Variants in TAFA2 observed in about 807,000 individuals in gnomAD.
TAFA2 encodes chemokine-like protein TAFA-2.
Under a neutral mutation model 18.8 loss-of-function variants are expected in TAFA2, and 7 were observed. The observed-to-expected ratio is 0.37, with a 90% CI of 0.21 to 0.70. The LOEUF is 0.70. Among genes scored for constraint, TAFA2 ranks in the 30% least tolerant of loss-of-function variants. The pLI is 0.53. For synonymous variants in TAFA2, 60 were observed against 54.2 expected (o/e 1.11, Z -0.47); for missense variants, 122 against 158.1 (o/e 0.77, Z 1.23).
chr12:61,733,328 T>C (rs971329547), intron 4 of TAFA2, among the ~76,000 whole-genome samples: 5 of 152,136 alleles, frequency 3.3e-5, no homozygotes, highest in African/African-American at 1.2e-4. Context: ...TTTGGTGTTT[T>C]AGACATGAAG....
At position 62,171,063 on chromosome 12, in the gene TAFA2, C is replaced by A. The variant is rs578185055; in HGVS notation, c.-2+20196G>T. Among the ~76,000 whole-genome samples, 34 of 152,126 alleles carry A rather than the reference C, an allele frequency of 2.2e-4. 1 individual carries two copies. In the South Asian group the frequency reaches 2.7e-3, roughly 12 times the overall value. ...TTATTCACTTTATTATGACTCATGA[C>A]ATTTAATATAATTGTGACACTTTAA... is the stretch of plus-strand genomic sequence containing the variant. On this transcript the variant is annotated intron_variant, in intron 1 of 4. Transcript: ENST00000416284.
At chr12:61,820,360 GATGTTCAC>G in intron 2 of TAFA2, among the ~76,000 whole-genome samples, 1 of 152,098 alleles carries the variant, frequency 6.6e-6, no homozygotes, top group South Asian at 2.1e-4. Flanking sequence ...AATATAAGTT[GATGTTCAC>G]TACAATGTCT....
chr12:61,979,884 A>G (rs997084534), intron 1 of TAFA2, among the ~76,000 whole-genome samples: 1 of 152,056 alleles, frequency 6.6e-6, no homozygotes, highest in African/African-American at 2.4e-5. Flanking sequence ...AAGAAGTTTC[A>G]TGGAAATAAA....
intron 1 of TAFA2, among the ~76,000 whole-genome samples, chr12:62,143,302 C>A (rs1371139974): frequency 2.0e-5 from 3 of 152,154 alleles, no homozygotes; most frequent in African/African-American, 7.2e-5. Context: ...GATGAGTAGT[C>A]AATTGGAGAA....
At chr12:61,953,214 C>A (rs771957954) in intron 1 of TAFA2, among the ~76,000 whole-genome samples, 7 of 152,040 alleles carry the variant, frequency 4.6e-5, no homozygotes, top group Admixed American at 6.6e-5. Flanking sequence ...AAGAAAAAAA[C>A]TGACACTCCC....
At position 61,902,901 on chromosome 12, in the gene TAFA2, A is replaced by C. The variant is rs537543082; in HGVS notation, c.-1-35475T>G. ...TGCACCACCATCCAACCTAGCCAAAAATTTATAAGTCACCTGTGATTTCTC... is the reference window on the plus strand; with the variant it reads ...TGCACCACCATCCAACCTAGCCAAACATTTATAAGTCACCTGTGATTTCTC... On this transcript the variant is annotated intron_variant, in intron 1 of 4. Transcript: ENST00000416284. Among the ~76,000 whole-genome samples, 4 of 102,366 alleles carry C rather than the reference A, an allele frequency of 3.9e-5. No individual in the cohort carries two copies. In the South Asian group the frequency reaches 9.9e-4, roughly 25 times the overall value. 67.2% of individuals were successfully genotyped at this position (102,366 alleles called of 152,430 possible).
chr12:62,002,701 C>T (rs769283841), intron 1 of TAFA2, among the ~76,000 whole-genome samples: 61 of 152,114 alleles, frequency 4.0e-4, no homozygotes, highest in Admixed American at 5.2e-4. Flanking sequence ...ATAGTCCTTC[C>T]AACACTCTGG....
chr12:62,235,948 G>A (rs2062835216), intron 1 of TAFA2, among the ~76,000 whole-genome samples: 1 of 151,560 alleles, frequency 6.6e-6, no homozygotes, highest in African/African-American at 2.4e-5. Context: ...GACATGGCAA[G>A]TTATTTTAAA....
chr12:61,915,467 C>A (rs946214705), intron 1 of TAFA2, among the ~76,000 whole-genome samples: 1 of 152,146 alleles, frequency 6.6e-6, no homozygotes, highest in Non-Finnish European at 1.5e-5. Context: ...AGAAACTGAA[C>A]CAATAAGCTA....
intron 1 of TAFA2, among the ~76,000 whole-genome samples, chr12:61,903,969 T>C (rs1228668626): frequency 6.6e-6 from 1 of 152,164 alleles, no homozygotes. Context: ...TTTTGGCAAG[T>C]CCTGCTATTC....
intron 2 of TAFA2, among the ~76,000 whole-genome samples, chr12:61,814,034 G>A (rs1450544802): frequency 1.3e-5 from 2 of 151,394 alleles, no homozygotes; most frequent in Non-Finnish European, 2.9e-5. Context: ...GTTTACATTC[G>A]AGAAAAGGCA....
At chr12:61,843,723 T>C (rs1050398782) in intron 2 of TAFA2, among the ~76,000 whole-genome samples, 8 of 152,160 alleles carry the variant, frequency 5.3e-5, no homozygotes, top group African/African-American at 1.9e-4. Flanking sequence ...GATTCATATA[T>C]ACACACATAA....
Position 62,242,959 on chromosome 12 carries a change from C to A in TAFA2, c.-130+15804G>T, listed in dbSNP as rs548310385. Among the ~76,000 whole-genome samples, 3 of 152,062 alleles carry A rather than the reference C, an allele frequency of 2.0e-5. No individual in the cohort carries two copies. In the East Asian group the frequency reaches 5.8e-4, roughly 29 times the overall value. On this transcript the variant is annotated intron_variant, in intron 1 of 5. Coordinates refer to the TAFA2 transcript ENST00000551619. ...TTAACAAAAGCACCTTTTTTCAAACCCAGATTCATTTAAACATCCTTTGAA... is the reference window on the plus strand; with the variant it reads ...TTAACAAAAGCACCTTTTTTCAAACACAGATTCATTTAAACATCCTTTGAA...
intron 1 of TAFA2, among the ~76,000 whole-genome samples, chr12:61,939,544 C>T (rs927745970): frequency 7.2e-5 from 11 of 152,304 alleles, no homozygotes; most frequent in African/African-American, 2.4e-4. Flanking sequence ...CTACCCTTAA[C>T]TACTTGCATG....
At chr12:62,070,943 C>T (rs1487032584) in intron 1 of TAFA2, among the ~76,000 whole-genome samples, 1 of 152,162 alleles carries the variant, frequency 6.6e-6, no homozygotes, top group Non-Finnish European at 1.5e-5. Flanking sequence ...ATTGGCACAA[C>T]CCACCATCAC....
intron 1 of TAFA2, among the ~76,000 whole-genome samples, chr12:62,240,029 G>A (rs1390744108): frequency 6.6e-6 from 1 of 151,160 alleles, no homozygotes; most frequent in African/African-American, 2.4e-5. Flanking sequence ...AATGTTTCTA[G>A]TTATATATAT....
chr12:62,007,100 C>A lies in TAFA2; in HGVS notation c.-1-139674G>T, dbSNP rs74096161. 6.0e-3 allele frequency among the ~76,000 whole-genome samples: 910 copies of A among 152,214 alleles called. 12 individuals carry two copies. The highest frequency in any genetic ancestry group is 0.021 in the African/African-American group (870 of 41,530). The stretch of plus-strand genomic sequence containing the variant: ...CCTGGCCACCTCTCTACCATTCTTC[C>A]TGGCCCCCATGCTCCTTCTGCTCCA... On this transcript the variant is annotated intron_variant, in intron 1 of 4. Transcript: ENST00000416284.
intron 2 of TAFA2, among the ~76,000 whole-genome samples, chr12:61,859,308 A>G (rs930382727): frequency 6.6e-6 from 1 of 152,126 alleles, no homozygotes; most frequent in South Asian, 2.1e-4. Context: ...CATGCGGGAA[A>G]CCGCCCCATG....
chr12:61,758,122 A>G (rs1286053803), intron 2 of TAFA2, among the ~76,000 whole-genome samples: 1 of 152,062 alleles, frequency 6.6e-6, no homozygotes. Context: ...TTAACATTTG[A>G]TCTTGGTAAA....
Sources: allele counts gnomAD v4.1 joint callset (sites outside exome capture counted in the v4.1 genomes callset), GRCh38; gene constraint gnomAD v4.1.1; transcripts MANE v1.5; gene names NCBI Gene and HGNC (gene_info 2026-07-23, HGNC 2026-07-21).